NCBP1: variants seen among roughly 807,000 people sequenced by gnomAD.
NCBP1 encodes nuclear cap binding protein subunit 1.
A neutral mutation model predicts 111.7 loss-of-function variants in NCBP1; 16 were observed. That is an observed-to-expected ratio of 0.14 (90% CI 0.10 to 0.22). The LOEUF is 0.22. Among genes scored for constraint, NCBP1 ranks in the 10% least tolerant of loss-of-function variants. The probability of loss-of-function intolerance (pLI) is 1.00; values close to 1 mark genes in which losing one functional copy is unlikely to be tolerated. For synonymous variants in NCBP1, 304 were observed against 314.3 expected, an observed-to-expected ratio of 0.97 and a Z score of 0.35; for missense variants, 607 against 957.5, an observed-to-expected ratio of 0.63 and a Z score of 4.83.
In NCBP1 at chr9:97,658,752, T is replaced by A; in HGVS notation, c.1477+9T>A. 1 of 1,556,994 alleles carries A rather than the reference T, an allele frequency of 6.4e-7. No individual in the cohort carries two copies. Among genetic ancestry groups the A allele is most frequent in the Non-Finnish European group, 8.9e-7 (1 of 1,128,630 alleles). ...TGGAGATGAAAGTAGCAGTAAGTAA[T>A]GAAACTAATCCCTCTGTCTTTAAAA... On this transcript the variant is annotated intron_variant, in intron 15 of 22. Coordinates refer to ENST00000375147, the MANE Select transcript of NCBP1 (RefSeq NM_002486.5).
intron 1 of NCBP1, among the ~76,000 whole-genome samples, chr9:97,637,922 ATACCT>A (rs1012698781): frequency 1.3e-5 from 2 of 152,202 alleles, no homozygotes; most frequent in African/African-American, 4.8e-5. Flanking sequence ...GATGGATTTT[ATACCT>A]GCTTCTCTAT....
Position 97,650,494 on chromosome 9 carries a change from TC to T in NCBP1, c.898-8del, listed in dbSNP as rs1198809366. The T allele has an allele frequency of 3.1e-6, 5 of 1,610,440 alleles. No homozygotes were observed. The Admixed American group carries it at 8.4e-5, about 27-fold the overall frequency. On this transcript the variant is annotated splice_polypyrimidine_tract_variant and splice_region_variant and intron_variant, in intron 8 of 22. Transcript: ENST00000375147. ...GGCCTGTAGTGTACACATTTGGTTTTCTTTCCAGGGTCCTGTCATGCCAGGG... is the reference window on the plus strand; with the variant it reads ...GGCCTGTAGTGTACACATTTGGTTTTTTTCCAGGGTCCTGTCATGCCAGGG...
intron 1 of NCBP1, among the ~76,000 whole-genome samples, chr9:97,640,429 CAAGTT>C (rs1182244936): frequency 1.3e-5 from 2 of 152,128 alleles, no homozygotes; most frequent in Admixed American, 6.6e-5. Flanking sequence ...GTAAACAACT[CAAGTT>C]AAAAGAATGG....
At position 97,645,595 on chromosome 9, in the gene NCBP1, T is replaced by C; in HGVS notation, c.490-16T>C. ...TTAAAGCATATTTTAAACTTAACTT[T>C]TTAAAAATCCTTTAGGTGCGACGAG... On this transcript the variant is annotated splice_polypyrimidine_tract_variant and intron_variant, in intron 5 of 22. Coordinates refer to ENST00000375147, the MANE Select transcript of NCBP1 (RefSeq NM_002486.5). 6.2e-7 allele frequency: 1 copy of C among 1,608,522 alleles called. No homozygotes were observed. The highest frequency in any genetic ancestry group is 8.5e-7 in the Non-Finnish European group (1 of 1,176,608).
At chr9:97,646,839 CAAAAA>C (rs1199961668) in intron 6 of NCBP1, among the ~76,000 whole-genome samples, 206 of 55,718 alleles carry the variant, frequency 3.7e-3, no homozygotes, top group African/African-American at 9.6e-3. Context: ...GACTCCGTCT[CAAAAA>C]AAAAAAAAAA....
rs767735505 is a variant in NCBP1 at position 97,648,088 on chromosome 9, T to C, written c.762T>C (p.Leu254=). The C allele has an allele frequency of 8.1e-6, 13 of 1,614,088 alleles. No homozygotes were observed. The highest frequency in any genetic ancestry group is 1.1e-5 in the Non-Finnish European group (13 of 1,180,034). The part of the protein sequence containing the change: ...WQERHILRPY[L]AFDSILCEAL... The stretch of plus-strand genomic sequence containing the variant: ...AACGGCACATCCTAAGACCTTATCT[T>C]GCCTTTGACAGCATCCTGTGTGAAG... The change falls in exon 8 of 23, where the codon CTT becomes CTC. Residue 254 remains leucine (L), a synonymous_variant. Coordinates refer to ENST00000375147, the MANE Select transcript of NCBP1 (RefSeq NM_002486.5).
rs554031565 is a variant in NCBP1, at chr9:97,666,425, A to G, written c.1902-338A>G. ...TACACATAATGTTTACATTTAGGAG[A>G]GGAAAAATGTATTTCCATTTTTAAT... is the stretch of plus-strand genomic sequence containing the variant. On this transcript the variant is annotated intron_variant, in intron 19 of 22. Coordinates refer to ENST00000375147, the MANE Select transcript of NCBP1 (RefSeq NM_002486.5). 6.5e-4 allele frequency among the ~76,000 whole-genome samples: 99 copies of G among 152,340 alleles called. 1 individual carries two copies. Among genetic ancestry groups the G allele is most frequent in the African/African-American group, 2.3e-3 (96 of 41,576 alleles).
chr9:97,671,971 A>AT lies in NCBP1; in HGVS notation c.*775dup, dbSNP rs1828206201. Reference sequence around the variant, plus strand: ...ACTCACTTCCTCTAGCCTTGGGGTTATTTGTCCAAGGTCTTGTAGTGAGTT... The same window carrying AT: ...ACTCACTTCCTCTAGCCTTGGGGTTATTTTGTCCAAGGTCTTGTAGTGAGTT... On this transcript the variant is annotated 3_prime_UTR_variant, in exon 23 of 23. Transcript: ENST00000375147. 1 of 152,214 alleles carries AT rather than the reference A, an allele frequency of 6.6e-6. No individual in the cohort carries two copies. The allele number at this position is 152,214 out of a possible 1,614,324, so 9.4% of individuals were successfully genotyped here. A position where few individuals can be genotyped will look rare whatever the true frequency, so the allele number is the denominator to read the frequency against.
chr9:97,654,690 G>A (rs540019085), intron 11 of NCBP1, among the ~76,000 whole-genome samples, 190 bp from the exon 12 acceptor site: 3 of 152,226 alleles, frequency 2.0e-5, no homozygotes, highest in Non-Finnish European at 4.4e-5. Flanking sequence ...AGTGTATGCA[G>A]GTCAGATTCA....
intron 14 of NCBP1, among the ~76,000 whole-genome samples, chr9:97,657,926 A>ATATAT (rs1199195156): frequency 7.7e-5 from 7 of 91,420 alleles, no homozygotes; most frequent in East Asian, 3.0e-4. Flanking sequence ...ATATATATAT[A>ATATAT]TTTTTTTTTT....
Position 97,637,037 on chromosome 9 carries a change from G to C in NCBP1, c.34+3122G>C, listed in dbSNP as rs1587993288. On this transcript the variant is annotated intron_variant, in intron 1 of 22. Transcript: ENST00000375147. ...CTGAAGACTATAGGGTTCCTGTCATGTTAACAGAAGAGCAAGGAGGCCAGT... is the reference window on the plus strand; with the variant it reads ...CTGAAGACTATAGGGTTCCTGTCATCTTAACAGAAGAGCAAGGAGGCCAGT... 3.3e-5 allele frequency among the ~76,000 whole-genome samples: 5 copies of C among 152,280 alleles called. No homozygotes were observed. In the South Asian group the frequency reaches 1.0e-3, roughly 32 times the overall value.
At chr9:97,638,189 G>A (rs1352986676) in intron 1 of NCBP1, among the ~76,000 whole-genome samples, 1 of 152,122 alleles carries the variant, frequency 6.6e-6, no homozygotes, top group Admixed American at 6.5e-5. Flanking sequence ...GATTTTGTCT[G>A]TAGTCTTCAC....
intron 22 of NCBP1, among the ~76,000 whole-genome samples, chr9:97,670,782 G>A (rs73500326): frequency 0.12 from 17,719 of 152,150 alleles, 2,908 homozygotes; most frequent in African/African-American, 0.36. Context: ...GCTGAGCCTA[G>A]TCCGTAATAG....
chr9:97,644,586 A>G (rs1238479769), intron 4 of NCBP1, among the ~76,000 whole-genome samples: 1 of 152,206 alleles, frequency 6.6e-6, no homozygotes, highest in Non-Finnish European at 1.5e-5. Context: ...GTGTTTAGCA[A>G]TAGCACACTA....
At chr9:97,641,498 A>G in intron 2 of NCBP1, 64 bp from the exon 3 acceptor site, 2 of 1,254,016 alleles carry the variant, frequency 1.6e-6, no homozygotes, top group Non-Finnish European at 2.1e-6. Context: ...ATTTAAATAG[A>G]TTTTTAAAAA....
intron 15 of NCBP1, 48 bp downstream of exon 15, chr9:97,658,791 G>A: frequency 7.3e-7 from 1 of 1,374,570 alleles, no homozygotes; most frequent in South Asian, 1.2e-5. Context: ...ACCAGTTCAA[G>A]TATATCTGAA....
chr9:97,650,542 G>T lies in NCBP1; in HGVS notation c.937G>T (p.Val313Leu), dbSNP rs1827470542. The T allele has an allele frequency of 6.2e-7, 1 of 1,613,540 alleles. No individual in the cohort carries two copies. Among genetic ancestry groups the T allele is most frequent in the Non-Finnish European group, 8.5e-7 (1 of 1,179,638 alleles). ...MPGSHSVERF[V>L]IEENLHCIIK... ...AGGGAGTCATTCAGTGGAAAGATTT[G>T]TAATAGAAGAGAATCTTCACTGCAT... The change falls in exon 9 of 23, where the codon GTA (valine) becomes TTA (leucine). Residue 313 changes from valine to leucine, a missense_variant. Physicochemically the swap from Val to Leu is conservative, Grantham distance 32. Transcript: ENST00000375147.
chr9:97,634,274 C>G (rs768321472), intron 1 of NCBP1, among the ~76,000 whole-genome samples: 6 of 152,212 alleles, frequency 3.9e-5, no homozygotes, highest in Non-Finnish European at 8.8e-5. Context: ...CCTAGTGTCT[C>G]GTTTTAACCT....
intron 4 of NCBP1, 102 bp downstream of exon 4, chr9:97,643,462 A>G (rs1827254244): frequency 8.1e-7 from 1 of 1,229,140 alleles, no homozygotes; most frequent in African/African-American, 1.6e-5. Context: ...AAACATTCTC[A>G]TTCACTTTCA....
Sources: gnomAD v4.1 joint callset for allele counts (sites outside exome capture counted in the v4.1 genomes callset) on GRCh38, gnomAD v4.1.1 for gene constraint, MANE v1.5 for transcripts, NCBI Gene and HGNC (gene_info 2026-07-23, HGNC 2026-07-21) for gene names.